NCKAP5: variants seen among roughly 807,000 people sequenced by gnomAD.
NCKAP5 encodes NCK associated protein 5.
A neutral mutation model predicts 167.0 loss-of-function variants in NCKAP5; 92 were observed. The observed-to-expected ratio is 0.55, with a 90% CI of 0.47 to 0.66. The LOEUF is 0.66. NCKAP5 is among the 30% of genes least tolerant of loss of function. The probability of loss-of-function intolerance (pLI) is 0.00; values close to 1 mark genes in which losing one functional copy is unlikely to be tolerated. For missense variants in NCKAP5, 2,378 were observed against 2,315.0 expected, an observed-to-expected ratio of 1.03 and a Z score of -0.56; for synonymous variants, 891 against 877.4, an observed-to-expected ratio of 1.02 and a Z score of -0.27.
At chr2:133,295,542 T>C (rs1473994306) in intron 4 of NCKAP5, among the ~76,000 whole-genome samples, 1 of 152,204 alleles carries the variant, frequency 6.6e-6, no homozygotes, top group Non-Finnish European at 1.5e-5. Context: ...TATTGGTGTT[T>C]CTTGGAATAT....
chr2:132,840,151 T>A (rs1473347406), intron 11 of NCKAP5, among the ~76,000 whole-genome samples: 1 of 152,166 alleles, frequency 6.6e-6, no homozygotes, highest in Non-Finnish European at 1.5e-5. Context: ...GGTTTTGGTA[T>A]TGCACTAAAT....
chr2:133,229,823 GA>G (rs2087061266), intron 4 of NCKAP5, among the ~76,000 whole-genome samples: 1 of 152,034 alleles, frequency 6.6e-6, no homozygotes, highest in South Asian at 2.1e-4. Flanking sequence ...AAACCTCCAT[GA>G]ATTTCATGGG....
At chr2:133,164,375 A>T (rs1444318441) in intron 5 of NCKAP5, among the ~76,000 whole-genome samples, 1 of 152,174 alleles carries the variant, frequency 6.6e-6, no homozygotes, top group Non-Finnish European at 1.5e-5. Context: ...CTGTGTTTGA[A>T]TCCTGGTTTT....
intron 6 of NCKAP5, among the ~76,000 whole-genome samples, chr2:133,113,565 G>A (rs1203593337): frequency 6.6e-6 from 1 of 152,220 alleles, no homozygotes; most frequent in Admixed American, 6.5e-5. Flanking sequence ...TCCACCAGGT[G>A]TGGGTTTCCC....
intron 5 of NCKAP5, among the ~76,000 whole-genome samples, chr2:133,178,456 G>C (rs1188799645): frequency 1.6e-5 from 2 of 122,870 alleles, no homozygotes; most frequent in African/African-American, 6.3e-5. Context: ...AGTGAGCCAA[G>C]ATCAGGCCAC....
intron 7 of NCKAP5, among the ~76,000 whole-genome samples, chr2:132,991,718 C>T (rs2149301875): frequency 6.6e-6 from 1 of 152,276 alleles, no homozygotes; most frequent in East Asian, 1.9e-4. Context: ...GGGGCCTAAG[C>T]TTTACGTGGG....
the NCKAP5 span, among the ~76,000 whole-genome samples, chr2:133,673,558 C>T: frequency 2.0e-5 from 3 of 152,194 alleles, no homozygotes; most frequent in African/African-American, 4.8e-5. Flanking sequence ...ACAGAGGGTA[C>T]AGAGCTGAGG....
At chr2:132,760,168 T>C (rs1003031603) in intron 16 of NCKAP5, among the ~76,000 whole-genome samples, 5 of 152,146 alleles carry the variant, frequency 3.3e-5, no homozygotes, top group Non-Finnish European at 5.9e-5. Flanking sequence ...TTTATTGTTA[T>C]ATAGAGAGTG....
At chr2:132,733,602 C>T (rs1691229968) in intron 16 of NCKAP5, among the ~76,000 whole-genome samples, 1 of 152,154 alleles carries the variant, frequency 6.6e-6, no homozygotes, top group Non-Finnish European at 1.5e-5. Context: ...TGGCAAAATG[C>T]ACAAAGTATT....
chr2:133,517,955 T>C (rs1322392842), intron 2 of NCKAP5, among the ~76,000 whole-genome samples: 1 of 152,150 alleles, frequency 6.6e-6, no homozygotes, highest in East Asian at 1.9e-4. Flanking sequence ...GCAAATTCCA[T>C]GAGATCAAAC....
chr2:133,573,491 T>C, the NCKAP5 span, among the ~76,000 whole-genome samples: 101 of 152,226 alleles, frequency 6.6e-4, no homozygotes, highest in East Asian at 0.019. Flanking sequence ...TTTGAGAAAC[T>C]ACCTGGAACC....
At chr2:132,769,584 T>C (rs1351338209) in intron 16 of NCKAP5, among the ~76,000 whole-genome samples, 1 of 152,204 alleles carries the variant, frequency 6.6e-6, no homozygotes, top group East Asian at 1.9e-4. Flanking sequence ...TTGTTGAGTC[T>C]CATTCAGTCT....
the NCKAP5 span, among the ~76,000 whole-genome samples, chr2:133,663,503 A>G: frequency 6.6e-6 from 1 of 152,210 alleles, no homozygotes; most frequent in Non-Finnish European, 1.5e-5. Context: ...GGATAGTTGA[A>G]GTCAATCCTC....
intron 4 of NCKAP5, among the ~76,000 whole-genome samples, chr2:133,265,695 G>T (rs993739654): frequency 6.6e-6 from 1 of 152,024 alleles, no homozygotes; most frequent in Non-Finnish European, 1.5e-5. Context: ...CCCTACACGC[G>T]CAAGGGAGGC....
intron 3 of NCKAP5, among the ~76,000 whole-genome samples, chr2:133,479,829 C>T (rs2151309493): frequency 6.6e-6 from 1 of 151,880 alleles, no homozygotes; most frequent in East Asian, 1.9e-4. Context: ...TTTGATAAGA[C>T]ATTAGAAAAA....
chr2:132,832,591 A>T (rs1413639265), intron 11 of NCKAP5, among the ~76,000 whole-genome samples: 1 of 152,160 alleles, frequency 6.6e-6, no homozygotes, highest in East Asian at 1.9e-4. Flanking sequence ...CATATATTTT[A>T]ACACCCACTT....
At chr2:132,738,207 A>G (rs1691698758) in intron 16 of NCKAP5, among the ~76,000 whole-genome samples, 1 of 152,192 alleles carries the variant, frequency 6.6e-6, no homozygotes, top group African/African-American at 2.4e-5. Context: ...GATCATTCAG[A>G]ATTCCTGAAT....
chr2:132,896,356 T>G (rs972914284), intron 8 of NCKAP5, among the ~76,000 whole-genome samples: 1 of 152,158 alleles, frequency 6.6e-6, no homozygotes, highest in African/African-American at 2.4e-5. Flanking sequence ...GCTTTGAAAA[T>G]CGTGGAAAAC....
At chr2:133,497,387 G>A (rs1224831044) in intron 3 of NCKAP5, among the ~76,000 whole-genome samples, 1 of 152,148 alleles carries the variant, frequency 6.6e-6, no homozygotes, top group East Asian at 1.9e-4. Context: ...GTATTAAATG[G>A]GTTGCTATGG....
Sources: allele counts gnomAD v4.1 joint callset (sites outside exome capture counted in the v4.1 genomes callset), GRCh38; gene constraint gnomAD v4.1.1; transcripts MANE v1.5; gene names NCBI Gene and HGNC (gene_info 2026-07-23, HGNC 2026-07-21).